The following TLN2 variants were observed in gnomAD, a reference collection of about 807,000 sequenced individuals.
TLN2 encodes the protein talin-2.
TLN2 carries 118 observed loss-of-function variants against 294.7 expected under a neutral mutation model. The observed-to-expected ratio is 0.40, with a 90% CI of 0.34 to 0.47. TLN2 has a LOEUF of 0.47. Among genes scored for constraint, TLN2 ranks in the 20% least tolerant of loss-of-function variants. The pLI is 0.84. For synonymous variants in TLN2, 1,431 were observed against 1,304.5 expected (o/e 1.10, Z -2.09); for missense variants, 3,083 against 3,282.2 (o/e 0.94, Z 1.48).
intron 1 of TLN2, among the ~76,000 whole-genome samples, chr15:62,458,604 G>GAAA (rs55990249): frequency 1.8e-4 from 24 of 130,132 alleles, no homozygotes; most frequent in South Asian, 5.3e-4. Flanking sequence ...CGTCTCTACA[G>GAAA]AAAAAAAAAA....
intron 51 of TLN2, among the ~76,000 whole-genome samples, chr15:62,807,158 T>G (rs548626421): frequency 6.6e-6 from 1 of 152,288 alleles, no homozygotes; most frequent in African/African-American, 2.4e-5. Flanking sequence ...GCTGCAAGTA[T>G]TGGCCACTTT....
At chr15:62,712,109 G>A in intron 22 of TLN2, 32 bp downstream of exon 22, 1 of 1,608,422 alleles carries the variant, frequency 6.2e-7, no homozygotes, top group Non-Finnish European at 8.5e-7. Flanking sequence ...TATGAAAAGT[G>A]AACACTATTA....
chr15:62,598,355 T>G (rs1209695893), intron 2 of TLN2, among the ~76,000 whole-genome samples: 3 of 152,202 alleles, frequency 2.0e-5, no homozygotes, highest in Non-Finnish European at 4.4e-5. Context: ...CACAGATCTC[T>G]GTCTTTACCC....
intron 46 of TLN2, among the ~76,000 whole-genome samples, chr15:62,795,262 A>C (rs1464392153): frequency 1.3e-5 from 2 of 152,094 alleles, no homozygotes; most frequent in African/African-American, 4.8e-5. Context: ...GCGCAGACCC[A>C]GGGTGGAGAG....
chr15:62,805,832 T>C, intron 51 of TLN2, 47 bp downstream of exon 51: 3 of 1,577,270 alleles, frequency 1.9e-6, no homozygotes, highest in Non-Finnish European at 2.6e-6. Context: ...TTCTCTGTCG[T>C]GACTGGGTTG....
At chr15:62,836,795 TTC>T (rs531661308) in intron 57 of TLN2, among the ~76,000 whole-genome samples, 216 of 152,346 alleles carry the variant, frequency 1.4e-3, no homozygotes, top group African/African-American at 5.0e-3. Context: ...TATCATTGCT[TTC>T]TGTTCGTTTT....
rs58523803 is a variant in TLN2, at chr15:62,570,903, C to CTGTGTGTGTG, written c.-237-18752_-237-18743dup. 2.6e-3 allele frequency among the ~76,000 whole-genome samples: 381 copies of CTGTGTGTGTG among 143,902 alleles called. 7 individuals carry two copies. The highest frequency in any genetic ancestry group is 6.5e-3 in the African/African-American group (256 of 39,366). 94.4% of individuals were successfully genotyped at this position (143,902 alleles called of 152,430 possible). ...GGAAGAAGCTTCCATGCACAGGCAT[C>CTGTGTGTGTG]TGTGTGTGTGTGTGTGTGTGTGTGT... On this transcript the variant is annotated intron_variant, in intron 1 of 58. Transcript: ENST00000636159.
intron 1 of TLN2, among the ~76,000 whole-genome samples, chr15:62,460,244 A>AAT (rs1277500796): frequency 6.6e-6 from 1 of 151,954 alleles, no homozygotes; most frequent in Admixed American, 6.6e-5. Flanking sequence ...ACCTCACCTG[A>AAT]ATAAGTAGCC....
chr15:62,793,522 C>T (rs2065229273), intron 46 of TLN2, among the ~76,000 whole-genome samples: 1 of 152,140 alleles, frequency 6.6e-6, no homozygotes, highest in Non-Finnish European at 1.5e-5. Context: ...TGGTACAGTG[C>T]CAGACACACA....
At chr15:62,471,661 A>T (rs1010913000) in intron 1 of TLN2, among the ~76,000 whole-genome samples, 1 of 152,122 alleles carries the variant, frequency 6.6e-6, no homozygotes, top group Non-Finnish European at 1.5e-5. Flanking sequence ...CCAGCCCCTT[A>T]TCTGGGGCCT....
At position 62,776,872 on chromosome 15, in the gene TLN2, G is replaced by A. The variant is rs1288758203; in HGVS notation, c.5476G>A (p.Gly1826Arg). ...AGCTGCCAGTGAAGTGGGGCTGGTT[G>A]GGGGCATGGTGGACGCCATTGCAGA... is the stretch of plus-strand genomic sequence containing the variant. ...NEAASEVGLV[G>R]GMVDAIAEAM... Residue 1826 changes from glycine (G) to arginine (R), a missense_variant, in exon 43 of 59, where the codon GGG becomes AGG. Gly to Arg is a moderately radical substitution (Grantham distance 125). Transcript: ENST00000636159. 1.3e-6 allele frequency: 2 copies of A among 1,595,252 alleles called. No homozygotes were observed.
intron 1 of TLN2, among the ~76,000 whole-genome samples, chr15:62,527,720 A>G (rs1414912263): frequency 6.6e-6 from 1 of 152,212 alleles, no homozygotes; most frequent in Non-Finnish European, 1.5e-5. Flanking sequence ...TTTCAATTCC[A>G]GGGCTGGGCT....
intron 1 of TLN2, among the ~76,000 whole-genome samples, chr15:62,504,848 A>T (rs4774436): frequency 0.24 from 26,359 of 109,380 alleles, 2,986 homozygotes; most frequent in East Asian, 0.54. Flanking sequence ...TGTGTGTGTG[A>T]GAGAGAGAGA....
intron 32 of TLN2, among the ~76,000 whole-genome samples, chr15:62,745,824 C>T (rs2061577713): frequency 6.6e-6 from 1 of 152,180 alleles, no homozygotes; most frequent in South Asian, 2.1e-4. Context: ...CTCTGGACCA[C>T]TTAGCACGTA....
At chr15:62,524,426 C>T (rs540116275) in intron 1 of TLN2, among the ~76,000 whole-genome samples, 2 of 152,228 alleles carry the variant, frequency 1.3e-5, no homozygotes, top group East Asian at 1.9e-4. Flanking sequence ...GGACCTGCCT[C>T]ATCGGGGTGC....
intron 1 of TLN2, among the ~76,000 whole-genome samples, chr15:62,462,689 G>A (rs1261602012): frequency 2.6e-5 from 4 of 152,192 alleles, no homozygotes; most frequent in African/African-American, 4.8e-5. Context: ...ATGGCCTGGC[G>A]CTGTGGGTGT....
intron 24 of TLN2, 96 bp from the exon 25 acceptor site, chr15:62,719,671 T>C (rs2060003197): frequency 2.1e-6 from 2 of 959,936 alleles, no homozygotes; most frequent in Non-Finnish European, 3.0e-6. Flanking sequence ...TGGGAGTAGA[T>C]GGCACATCCA....
intron 45 of TLN2, chr15:62,784,299 A>G (rs2064448936): frequency 6.7e-6 from 2 of 298,750 alleles, no homozygotes; most frequent in Non-Finnish European, 1.2e-5. Context: ...GAAAGATTCA[A>G]GTATGAAAAT....
chr15:62,777,858 A>C (rs1027459449), intron 43 of TLN2, among the ~76,000 whole-genome samples: 2 of 152,210 alleles, frequency 1.3e-5, no homozygotes, highest in African/African-American at 4.8e-5. Flanking sequence ...TTTCAACTCC[A>C]TATCTCCTGT....
Sources: gnomAD v4.1 joint callset for allele counts (sites outside exome capture counted in the v4.1 genomes callset) on GRCh38, gnomAD v4.1.1 for gene constraint, MANE v1.5 for transcripts, NCBI Gene and HGNC (gene_info 2026-07-23, HGNC 2026-07-21) for gene names.